The following CNIH3 variants were observed in gnomAD, a reference collection of about 807,000 sequenced individuals.
CNIH3 encodes protein cornichon homolog 3.
A neutral mutation model predicts 24.1 loss-of-function variants in CNIH3; 14 were observed. That is an observed-to-expected ratio of 0.58 (90% CI 0.38 to 0.91). The LOEUF is 0.91. Among genes scored for constraint, CNIH3 ranks in the 40% least tolerant of loss-of-function variants. The pLI is 0.00. For synonymous variants in CNIH3, 68 were observed against 73.8 expected (o/e 0.92, Z 0.40); for missense variants, 178 against 196.8 (o/e 0.90, Z 0.57).
rs1032031890 is a variant in CNIH3 at position 224,704,612 on chromosome 1, C to CT, written c.198+19778dup. On this transcript the variant is annotated intron_variant, in intron 3 of 5. Transcript: ENST00000272133. This position sits in a 1 kb window ranked among gnomAD's most constrained non-coding sequence, Gnocchi z 4.2. ...ATCCCCCGTGTATGTACAGCACATA[C>CT]TTTTTTTTTGCTGGACCATTTAATT... 5.3e-5 allele frequency among the ~76,000 whole-genome samples: 8 copies of CT among 151,510 alleles called. No individual in the cohort carries two copies. The highest frequency in any genetic ancestry group is 2.1e-4 in the South Asian group (1 of 4,766).
At chr1:224,608,645 G>A (rs537897804) in intron 3 of CNIH3, among the ~76,000 whole-genome samples, 5 of 152,194 alleles carry the variant, frequency 3.3e-5, no homozygotes, top group Non-Finnish European at 7.4e-5. Context: ...GCACGGCGCC[G>A]GGCTGTCTGC....
chr1:224,460,017 C>T (rs1675842105), intron 1 of CNIH3, among the ~76,000 whole-genome samples: 1 of 151,848 alleles, frequency 6.6e-6, no homozygotes, highest in Non-Finnish European at 1.5e-5. Flanking sequence ...GCTGGAGCTA[C>T]AGCCCCATGC....
intron 3 of CNIH3, among the ~76,000 whole-genome samples, chr1:224,548,982 G>GTGTGTGTACACCC (rs1033969315): frequency 2.0e-5 from 3 of 151,426 alleles, no homozygotes; most frequent in African/African-American, 4.8e-5. Flanking sequence ...TAGCATCACA[G>GTGTGTGTACACCC]TGTGTGTACA....
chr1:224,548,173 T>C (rs1679777593), intron 3 of CNIH3, among the ~76,000 whole-genome samples: 1 of 151,984 alleles, frequency 6.6e-6, no homozygotes, highest in Non-Finnish European at 1.5e-5. Context: ...TTTTGTAATA[T>C]CTAAGGGATA....
intron 1 of CNIH3, among the ~76,000 whole-genome samples, chr1:224,650,681 A>G (rs949112066): frequency 2.6e-5 from 4 of 152,298 alleles, no homozygotes; most frequent in Admixed American, 6.5e-5. Flanking sequence ...GCAAATTGGC[A>G]TGCTGTTCAT....
chr1:224,578,867 A>C (rs1681147046), intron 4 of CNIH3, among the ~76,000 whole-genome samples: 1 of 152,042 alleles, frequency 6.6e-6, no homozygotes, highest in Admixed American at 6.6e-5. Context: ...CTAAAGTTTC[A>C]CAGAGTATTT....
At chr1:224,721,374 G>T (rs968752276) in intron 3 of CNIH3, among the ~76,000 whole-genome samples, 21 of 152,130 alleles carry the variant, frequency 1.4e-4, no homozygotes, top group Non-Finnish European at 2.9e-4. Flanking sequence ...GTCTGGGCAT[G>T]ATTTCTACTC....
intron 5 of CNIH3, among the ~76,000 whole-genome samples, chr1:224,584,410 A>G (rs1214868682): frequency 6.6e-6 from 1 of 152,236 alleles, no homozygotes; most frequent in African/African-American, 2.4e-5. Flanking sequence ...TTTTGGACAA[A>G]CAGGATTTAA....
intron 3 of CNIH3, among the ~76,000 whole-genome samples, chr1:224,712,492 A>C (rs1343130045): frequency 1.3e-5 from 2 of 152,204 alleles, no homozygotes; most frequent in Non-Finnish European, 2.9e-5. Context: ...TCTGGCTCTC[A>C]GCAATAGGAT....
chr1:224,593,851 C>T lies in CNIH3; in HGVS notation n.402+27587C>T, dbSNP rs564436496. ...CTGTTCTTATCAAGATAATAGATGG[C>T]TTCTGTGCATCTCTGTTAGATTTCA... On this transcript the variant is annotated intron_variant and non_coding_transcript_variant, in intron 3 of 7. Transcript: ENST00000478120. 3.2e-4 allele frequency among the ~76,000 whole-genome samples: 48 copies of T among 152,314 alleles called. 1 individual carries two copies. The South Asian group carries it at 8.1e-3, about 26-fold the overall frequency.
chr1:224,556,877 C>T (rs1680161634), intron 3 of CNIH3, among the ~76,000 whole-genome samples: 1 of 152,160 alleles, frequency 6.6e-6, no homozygotes. Context: ...GCTCTCTAGA[C>T]CTTGTGTCCC....
At chr1:224,686,615 C>T (rs545351330) in intron 3 of CNIH3, among the ~76,000 whole-genome samples, 10 of 152,156 alleles carry the variant, frequency 6.6e-5, no homozygotes, top group Non-Finnish European at 1.3e-4. Context: ...AAGACAAAAC[C>T]AAAGTTTTGC....
At chr1:224,672,909 T>C (rs569463029) in intron 1 of CNIH3, among the ~76,000 whole-genome samples, 1 of 152,332 alleles carries the variant, frequency 6.6e-6, no homozygotes, top group East Asian at 1.9e-4. Flanking sequence ...GTTTGGGGCA[T>C]GTGCCCACTC....
At chr1:224,479,965 G>C (rs1299615460) in intron 1 of CNIH3, among the ~76,000 whole-genome samples, 1 of 152,184 alleles carries the variant, frequency 6.6e-6, no homozygotes, top group Non-Finnish European at 1.5e-5. Flanking sequence ...TAGAGACTCT[G>C]TGTGGGGGCT....
chr1:224,510,958 G>C (rs1027129691), upstream of CNIH3, among the ~76,000 whole-genome samples: 2 of 152,216 alleles, frequency 1.3e-5, no homozygotes, highest in Admixed American at 1.3e-4. Context: ...ACACAGCCTG[G>C]CTGGAGATGC....
At chr1:224,644,643 G>A (rs571271768) in intron 1 of CNIH3, among the ~76,000 whole-genome samples, 4 of 152,280 alleles carry the variant, frequency 2.6e-5, no homozygotes, top group East Asian at 1.9e-4. Context: ...CCTGGCTGCC[G>A]CAAGCAGATG....
intron 1 of CNIH3, among the ~76,000 whole-genome samples, chr1:224,510,170 T>TC (rs1678085364): frequency 6.6e-6 from 1 of 152,072 alleles, no homozygotes; most frequent in Non-Finnish European, 1.5e-5. Context: ...CTATGGATGT[T>TC]CCCCTTGGAA....
chr1:224,505,018 C>CTCCG (rs1242950030), intron 1 of CNIH3, among the ~76,000 whole-genome samples: 1 of 108,960 alleles, frequency 9.2e-6, no homozygotes, highest in African/African-American at 3.7e-5. Context: ...CCCTCCCTCC[C>CTCCG]TCCCTCCCTC....
At position 224,740,190 on chromosome 1, in the gene CNIH3, C is replaced by T. The variant is rs901139260; in HGVS notation, c.*834C>T. 7 of 152,262 alleles carry T rather than the reference C, an allele frequency of 4.6e-5. No individual in the cohort carries two copies. The highest frequency in any genetic ancestry group is 2.1e-4 in the South Asian group (1 of 4,822). 9.4% of individuals were successfully genotyped at this position (152,262 alleles called of 1,614,324 possible). On this transcript the variant is annotated 3_prime_UTR_variant, in exon 6 of 6. Transcript: ENST00000272133. Reference sequence around the variant, plus strand: ...GTGGCTGCTCTGTACCGTGGGCATCCGGCAGCCAGGAAGTGAGACAACATA... The same window carrying T: ...GTGGCTGCTCTGTACCGTGGGCATCTGGCAGCCAGGAAGTGAGACAACATA...
Sources: allele counts gnomAD v4.1 joint callset (sites outside exome capture counted in the v4.1 genomes callset), GRCh38; gene constraint gnomAD v4.1.1; non-coding constraint Gnocchi (gnomAD v3.1); transcripts MANE v1.5; gene names NCBI Gene and HGNC (gene_info 2026-07-23, HGNC 2026-07-21).